Variants in PCM1 observed in about 807,000 individuals in gnomAD.
PCM1 encodes pericentriolar material 1 protein.
PCM1 carries 157 observed loss-of-function variants against 241.9 expected under a neutral mutation model. That is an observed-to-expected ratio of 0.65 (90% CI 0.57 to 0.74). The LOEUF (loss-of-function observed/expected upper bound fraction) is 0.74, where lower values mean the gene tolerates loss of function less well. Ranked by LOEUF, PCM1 falls within the 30% of genes least tolerant of loss-of-function variation. The probability of loss-of-function intolerance (pLI) is 0.00; values close to 1 mark genes in which losing one functional copy is unlikely to be tolerated. For synonymous variants in PCM1, 1,085 were observed against 784.9 expected, an observed-to-expected ratio of 1.38 and a Z score of -6.39; for missense variants, 3,478 against 2,360.1, an observed-to-expected ratio of 1.47 and a Z score of -9.81.
At chr8:18,010,849 T>C (rs1037709323) in intron 32 of PCM1, among the ~76,000 whole-genome samples, 181 bp downstream of exon 32, 2 of 152,086 alleles carry the variant, frequency 1.3e-5, no homozygotes, top group African/African-American at 4.8e-5. Flanking sequence ...GGCGTGTGCC[T>C]ATAGTCCCAG....
At chr8:17,990,054 G>C in intron 27 of PCM1, 75 bp downstream of exon 27, 1 of 1,248,654 alleles carries the variant, frequency 8.0e-7, no homozygotes, top group Middle Eastern at 2.0e-4. Flanking sequence ...GCGTTGATAA[G>C]GAAACAAGTC....
chr8:17,945,634 A>C (rs897791957), intron 6 of PCM1, among the ~76,000 whole-genome samples: 1 of 152,182 alleles, frequency 6.6e-6, no homozygotes, highest in Non-Finnish European at 1.5e-5. Context: ...ACTCATGCTC[A>C]TTCACAATAC....
intron 23 of PCM1, among the ~76,000 whole-genome samples, chr8:17,979,339 G>T (rs2079888030): frequency 6.6e-6 from 1 of 152,156 alleles, no homozygotes; most frequent in African/African-American, 2.4e-5. Context: ...ATTGGAAAAG[G>T]AAGGAAGCAA....
In PCM1 at chr8:17,947,252, A is replaced by C. The variant is rs1369705655; in HGVS notation, c.850A>C (p.Lys284Gln). The change falls in exon 7 of 39, where the codon AAA (lysine) becomes CAA (glutamine). Residue 284 changes from lysine to glutamine, a missense_variant. Physicochemically the swap from Lys to Gln is moderately conservative, Grantham distance 53. Coordinates refer to ENST00000325083, the MANE Select transcript of PCM1 (RefSeq NM_006197.4). Reference protein sequence around the residue: ...ENLKKQHDLLKRMLQQQEQLR... With the variant: ...ENLKKQHDLLQRMLQQQEQLR... ...TTTGAAGAAACAACATGATTTATTA[A>C]AAAGAATGTTACAACAGCAGGAGCA... The C allele has an allele frequency of 1.2e-6, 2 of 1,609,782 alleles. No homozygotes were observed. The highest frequency in any genetic ancestry group is 1.1e-5 in the South Asian group (1 of 90,854).
At chr8:17,946,432 T>C (rs1379463805) in intron 6 of PCM1, among the ~76,000 whole-genome samples, 2 of 152,204 alleles carry the variant, frequency 1.3e-5, no homozygotes, top group Admixed American at 1.3e-4. Flanking sequence ...TTAGAAATAG[T>C]AGGTGTGCCT....
chr8:17,951,774 CAG>C (rs2066109911), intron 8 of PCM1, among the ~76,000 whole-genome samples: 2 of 152,076 alleles, frequency 1.3e-5, no homozygotes, highest in South Asian at 2.1e-4. Flanking sequence ...AGGGTACAAA[CAG>C]AGCTTTAGTT....
chr8:17,972,786 A>G, intron 23 of PCM1, 99 bp downstream of exon 23: 1 of 628,044 alleles, frequency 1.6e-6, no homozygotes, highest in Non-Finnish European at 2.6e-6. Flanking sequence ...CTAGATGTGC[A>G]GGTGCTGTTC....
rs779678360 is a variant in PCM1 at position 17,966,171 on chromosome 8, CT to C, written c.3030del (p.Asp1011IlefsTer10). ...ACAAATCAATCAGCTAAAGAAACAG[CT>C]TGATTTTAGTGTCAGTATTTGTCAG... Reference protein sequence around the residue: ...QEQINQLKKQLDFSVSICQTL... With the variant: ...QEQINQLKKQXDFSVSICQTL... On this transcript the variant is annotated frameshift_variant, in exon 19 of 39. Transcript: ENST00000325083. LOFTEE classifies it high-confidence loss of function. The C allele has an allele frequency of 2.5e-6, 4 of 1,613,774 alleles. No homozygotes were observed. The highest frequency in any genetic ancestry group is 3.4e-6 in the Non-Finnish European group (4 of 1,179,834).
intron 2 of PCM1, chr8:17,927,939 A>G (rs760583177): frequency 9.7e-6 from 1 of 102,918 alleles, no homozygotes; most frequent in Non-Finnish European, 1.8e-5. Flanking sequence ...GTGTCTTTGT[A>G]AAAAAAAAAA....
chr8:17,996,776 A>G (rs899060222), intron 29 of PCM1, among the ~76,000 whole-genome samples: 1 of 152,258 alleles, frequency 6.6e-6, no homozygotes, highest in African/African-American at 2.4e-5. Flanking sequence ...TGCATAAACA[A>G]ACAAGCAAAC....
intron 36 of PCM1, among the ~76,000 whole-genome samples, chr8:18,020,946 TAA>T (rs1054519220): frequency 3.3e-5 from 5 of 152,172 alleles, no homozygotes; most frequent in Non-Finnish European, 5.9e-5. Context: ...TAGCTCTTAA[TAA>T]AAATGATGCT....
intron 29 of PCM1, among the ~76,000 whole-genome samples, chr8:17,994,468 T>G (rs2085870038): frequency 6.6e-6 from 1 of 152,208 alleles, no homozygotes; most frequent in Admixed American, 6.5e-5. Context: ...AAATCTTGGT[T>G]GTTGTGAACA....
chr8:17,955,741 G>A lies in PCM1; in HGVS notation c.1472+88G>A, dbSNP rs150465683. On this transcript the variant is annotated intron_variant, in intron 10 of 38. Transcript: ENST00000325083. ...TTTTATGTTGAAAATTCTGCAAAAC[G>A]AGATTTATTTAATATTGTTGTAAAC... The A allele has an allele frequency of 7.6e-5, 75 of 983,406 alleles. No homozygotes were observed. The East Asian group carries it at 1.3e-3, about 17-fold the overall frequency. The allele number at this position is 983,406 out of a possible 1,614,324, so 60.9% of individuals were successfully genotyped here.
At chr8:17,982,378 A>AC (rs2081159747) in intron 24 of PCM1, among the ~76,000 whole-genome samples, 1 of 152,218 alleles carries the variant, frequency 6.6e-6, no homozygotes, top group Non-Finnish European at 1.5e-5. Context: ...TGGACATAGT[A>AC]CTTCAGGCCC....
At position 17,935,584 on chromosome 8, in the gene PCM1, C is replaced by T. The variant is rs445422; in HGVS notation, c.-22-5C>T. ...ATAAAGCTCAGTTCTTAACTTGTTT[C>T]GCAGAGAGTTAATTGTTAAATCCAG... On this transcript the variant is annotated splice_region_variant and splice_polypyrimidine_tract_variant and intron_variant, in intron 2 of 38. Coordinates refer to ENST00000325083, the MANE Select transcript of PCM1 (RefSeq NM_006197.4). The T allele has an allele frequency of 0.047, 45,931 of 980,066 alleles. 1,752 individuals carry two copies. Among genetic ancestry groups the T allele is most frequent in the Admixed American group, 0.13 (7,165 of 56,264 alleles). The allele number at this position is 980,066 out of a possible 1,614,324, so 60.7% of individuals were successfully genotyped here.
intron 23 of PCM1, among the ~76,000 whole-genome samples, chr8:17,975,960 T>C (rs1190489543): frequency 6.6e-6 from 1 of 152,192 alleles, no homozygotes; most frequent in Non-Finnish European, 1.5e-5. Context: ...GTTTACACTA[T>C]ACTCTTCTGA....
intron 20 of PCM1, 50 bp downstream of exon 20, chr8:17,966,523 C>A: frequency 6.5e-7 from 1 of 1,541,088 alleles, no homozygotes; most frequent in Non-Finnish European, 8.9e-7. Flanking sequence ...TAACATTGAG[C>A]AGAGGTTTTA....
At chr8:17,944,658 C>G (rs980669870) in intron 6 of PCM1, among the ~76,000 whole-genome samples, 2 of 152,046 alleles carry the variant, frequency 1.3e-5, no homozygotes, top group Non-Finnish European at 2.9e-5. Context: ...GATTTCTATT[C>G]CAGGTGCCAT....
intron 15 of PCM1, 23 bp downstream of exon 15, chr8:17,960,467 A>T: frequency 6.4e-7 from 1 of 1,565,128 alleles, no homozygotes; most frequent in Non-Finnish European, 8.6e-7. Context: ...TTTATTTCTA[A>T]TTGTCTGAAA....
Sources: gnomAD v4.1 joint callset for allele counts (sites outside exome capture counted in the v4.1 genomes callset) on GRCh38, gnomAD v4.1.1 for gene constraint, MANE v1.5 for transcripts, NCBI Gene and HGNC (gene_info 2026-07-23, HGNC 2026-07-21) for gene names.